The following PAK5 variants were observed in gnomAD, a reference collection of about 807,000 sequenced individuals.
PAK5 encodes serine/threonine-protein kinase PAK 5.
Under a neutral mutation model 65.9 loss-of-function variants are expected in PAK5, and 16 were observed. That is an observed-to-expected ratio of 0.24 (90% confidence interval 0.16 to 0.37). The LOEUF (loss-of-function observed/expected upper bound fraction) is 0.37, where lower values mean the gene tolerates loss of function less well. Among genes scored for constraint, PAK5 ranks in the 10% least tolerant of loss-of-function variants. The probability of loss-of-function intolerance (pLI) is 1.00; values close to 1 mark genes in which losing one functional copy is unlikely to be tolerated. For missense variants in PAK5, 785 were observed against 903.9 expected, an observed-to-expected ratio of 0.87 and a Z score of 1.69; for synonymous variants, 371 against 354.9, an observed-to-expected ratio of 1.05 and a Z score of -0.51.
At chr20:9,687,531 T>C (rs1354041317) in intron 2 of PAK5, among the ~76,000 whole-genome samples, 1 of 152,252 alleles carries the variant, frequency 6.6e-6, no homozygotes, top group Non-Finnish European at 1.5e-5. Flanking sequence ...TACATGATGC[T>C]CATCATACAG....
At chr20:9,601,662 G>C (rs924584572) in intron 3 of PAK5, among the ~76,000 whole-genome samples, 41 of 152,270 alleles carry the variant, frequency 2.7e-4, no homozygotes, top group African/African-American at 9.4e-4. Context: ...GGGACCCACT[G>C]ACTTTGAACT....
chr20:9,629,397 G>C (rs1156555741), intron 3 of PAK5, among the ~76,000 whole-genome samples: 1 of 152,136 alleles, frequency 6.6e-6, no homozygotes, highest in African/African-American at 2.4e-5. Flanking sequence ...AAATAACACA[G>C]ACTGGGGTGG....
At chr20:9,557,235 CG>C (rs1390999717) in intron 7 of PAK5, among the ~76,000 whole-genome samples, 4 of 152,258 alleles carry the variant, frequency 2.6e-5, no homozygotes, top group African/African-American at 9.6e-5. Context: ...GTTACCTGCA[CG>C]GGCTCTGGAA....
At chr20:9,684,168 A>G (rs181954427) in intron 2 of PAK5, among the ~76,000 whole-genome samples, 51 of 152,332 alleles carry the variant, frequency 3.3e-4, no homozygotes, top group African/African-American at 9.6e-4. Context: ...AACTGTGACT[A>G]CAGAGATACT....
intron 1 of PAK5, among the ~76,000 whole-genome samples, chr20:9,725,641 A>G (rs1330000826): frequency 2.0e-5 from 3 of 152,192 alleles, no homozygotes; most frequent in African/African-American, 2.4e-5. Flanking sequence ...TGAATCATGA[A>G]CATGGGGAAA....
intron 3 of PAK5, among the ~76,000 whole-genome samples, chr20:9,584,852 C>T (rs1310295013): frequency 1.3e-5 from 2 of 152,142 alleles, no homozygotes; most frequent in African/African-American, 4.8e-5. Flanking sequence ...GAACAATAGG[C>T]AGGTTACTCA....
At chr20:9,827,860 C>T (rs1310412398) in intron 1 of PAK5, among the ~76,000 whole-genome samples, 1 of 152,198 alleles carries the variant, frequency 6.6e-6, no homozygotes, top group Non-Finnish European at 1.5e-5. Flanking sequence ...GAGACAGAGT[C>T]TTGCTTTGTC....
chr20:9,623,437 G>C (rs1016193843), intron 3 of PAK5, among the ~76,000 whole-genome samples: 3 of 152,102 alleles, frequency 2.0e-5, no homozygotes, highest in Admixed American at 1.3e-4. Context: ...ATTAAATAAA[G>C]CATTAAGTAA....
rs748656973 is a variant in PAK5, at chr20:9,580,730, G to C, written c.405C>G (p.Ser135=). 1.2e-6 allele frequency: 2 copies of C among 1,613,768 alleles called. No individual in the cohort carries two copies. The highest frequency in any genetic ancestry group is 4.5e-5 in the East Asian group (2 of 44,854). Residue 135 remains serine (S), a synonymous_variant, in exon 4 of 10, where the codon TCC becomes TCG. Transcript: ENST00000353224. The part of the protein sequence containing the change: ...FITFSQYSSE[S]DTTADYTTEK... ...CGGTCGTGTAGTCAGCAGTAGTATC[G>C]GATTCGCTGGAATACTGGGAGAAGG...
At chr20:9,731,718 A>T (rs747301924) in intron 1 of PAK5, among the ~76,000 whole-genome samples, 2 of 152,220 alleles carry the variant, frequency 1.3e-5, no homozygotes, top group Non-Finnish European at 2.9e-5. Flanking sequence ...TCTAAAGCAG[A>T]TACTTTGCAG....
intron 7 of PAK5, among the ~76,000 whole-genome samples, chr20:9,549,659 G>T (rs552636086): frequency 3.0e-4 from 45 of 152,284 alleles, no homozygotes; most frequent in African/African-American, 1.1e-3. Flanking sequence ...AGGAAAAATT[G>T]AACTAAACGC....
At chr20:9,809,441 C>A (rs186779905) in intron 1 of PAK5, among the ~76,000 whole-genome samples, 2 of 146,976 alleles carry the variant, frequency 1.4e-5, no homozygotes, top group Admixed American at 1.4e-4. Context: ...CAAGAACATA[C>A]CATGAGGCCA....
At chr20:9,810,891 A>T (rs1197469085) in intron 1 of PAK5, among the ~76,000 whole-genome samples, 2 of 152,188 alleles carry the variant, frequency 1.3e-5, no homozygotes, top group Non-Finnish European at 2.9e-5. Context: ...GCATACATAT[A>T]TACATACATA....
At chr20:9,734,563 C>T (rs2048368568) in intron 1 of PAK5, among the ~76,000 whole-genome samples, 1 of 147,162 alleles carries the variant, frequency 6.8e-6, no homozygotes, top group South Asian at 2.2e-4. Flanking sequence ...CACACACACA[C>T]ACACACACAC....
intron 1 of PAK5, among the ~76,000 whole-genome samples, chr20:9,722,894 G>A (rs2048234304): frequency 6.6e-6 from 1 of 151,864 alleles, no homozygotes; most frequent in African/African-American, 2.4e-5. Context: ...GTGCCACCAT[G>A]CCCAGCTAAT....
chr20:9,592,934 A>G (rs760319704), intron 3 of PAK5, among the ~76,000 whole-genome samples: 2 of 152,154 alleles, frequency 1.3e-5, no homozygotes, highest in Non-Finnish European at 2.9e-5. Context: ...CCAATCAGAG[A>G]TACAAGCCCG....
At chr20:9,562,750 C>A (rs1443692051) in intron 6 of PAK5, 141 bp downstream of exon 6, 3 of 697,692 alleles carry the variant, frequency 4.3e-6, no homozygotes, top group Non-Finnish European at 7.4e-6. Context: ...AATGGGCCCT[C>A]TGGGGAATGT....
intron 3 of PAK5, among the ~76,000 whole-genome samples, chr20:9,626,326 A>G (rs966027612): frequency 6.6e-6 from 1 of 152,252 alleles, no homozygotes; most frequent in East Asian, 1.9e-4. Flanking sequence ...CATAGTTTCC[A>G]AACCATATGC....
At chr20:9,603,481 C>T (rs187763935) in intron 3 of PAK5, among the ~76,000 whole-genome samples, 12 of 152,282 alleles carry the variant, frequency 7.9e-5, no homozygotes, top group African/African-American at 2.6e-4. Context: ...CCAAAGGTTT[C>T]TGCCTCTCCC....
Sources: gnomAD v4.1 joint callset for allele counts (sites outside exome capture counted in the v4.1 genomes callset) on GRCh38, gnomAD v4.1.1 for gene constraint, MANE v1.5 for transcripts, NCBI Gene and HGNC (gene_info 2026-07-23, HGNC 2026-07-21) for gene names.